Variants in FSTL4 observed in about 807,000 individuals in gnomAD.
The protein encoded by FSTL4 is follistatin-related protein 4.
Under a neutral mutation model 78.2 loss-of-function variants are expected in FSTL4, and 28 were observed. That is an observed-to-expected ratio of 0.36 (90% CI 0.27 to 0.49). The LOEUF (loss-of-function observed/expected upper bound fraction) is 0.49. Ranked by LOEUF, FSTL4 falls within the 20% of genes least tolerant of loss-of-function variation. FSTL4 has a pLI of 0.98. For missense variants in FSTL4, 922 were observed against 1,084.9 expected (o/e 0.85, Z 2.11); for synonymous variants, 422 against 440.5 (o/e 0.96, Z 0.53).
At chr5:133,450,008 T>C (rs1757349640) in intron 3 of FSTL4, among the ~76,000 whole-genome samples, 1 of 152,208 alleles carries the variant, frequency 6.6e-6, no homozygotes, top group South Asian at 2.1e-4. Context: ...AGGTCAAGTT[T>C]GCTTCAGAAA....
At chr5:133,471,050 T>C (rs563648163) in intron 3 of FSTL4, among the ~76,000 whole-genome samples, 3 of 151,234 alleles carry the variant, frequency 2.0e-5, no homozygotes, top group African/African-American at 7.3e-5. Flanking sequence ...AGGATATATG[T>C]CTTTAGGCTG....
At chr5:133,803,710 T>C in the FSTL4 span, among the ~76,000 whole-genome samples, 25 of 152,196 alleles carry the variant, frequency 1.6e-4, no homozygotes, top group South Asian at 2.1e-4. Flanking sequence ...GTGTATTTAG[T>C]CCTTACCTTG....
chr5:133,305,506 C>T (rs1753637051), intron 6 of FSTL4, among the ~76,000 whole-genome samples: 1 of 152,172 alleles, frequency 6.6e-6, no homozygotes, highest in African/African-American at 2.4e-5. Context: ...GTATCCACTC[C>T]GATGTCCCTT....
the FSTL4 span, among the ~76,000 whole-genome samples, chr5:133,665,145 A>G: frequency 6.6e-6 from 1 of 151,990 alleles, no homozygotes; most frequent in Non-Finnish European, 1.5e-5. Flanking sequence ...AACGACTAAG[A>G]CCCCCAAAAG....
chr5:133,635,201 A>T, the FSTL4 span, among the ~76,000 whole-genome samples: 1 of 152,206 alleles, frequency 6.6e-6, no homozygotes, highest in Non-Finnish European at 1.5e-5. Flanking sequence ...CATTGGTTTC[A>T]GGAGGCTTCA....
chr5:133,252,535 T>G (rs566018092), intron 6 of FSTL4, among the ~76,000 whole-genome samples: 4 of 152,066 alleles, frequency 2.6e-5, no homozygotes, highest in African/African-American at 9.6e-5. Context: ...TCCCAAGGGG[T>G]TCTATGATGG....
chr5:133,243,362 C>T (rs1751934092), intron 7 of FSTL4, among the ~76,000 whole-genome samples: 1 of 152,162 alleles, frequency 6.6e-6, no homozygotes. Context: ...TGTTTTCTCT[C>T]CCTGAGAATA....
chr5:133,373,824 C>T (rs1755372327), intron 4 of FSTL4, among the ~76,000 whole-genome samples: 1 of 152,204 alleles, frequency 6.6e-6, no homozygotes, highest in African/African-American at 2.4e-5. Flanking sequence ...CAGGATGAAG[C>T]ATCACTTGCC....
chr5:133,472,692 C>A (rs1757849680), intron 3 of FSTL4, among the ~76,000 whole-genome samples: 1 of 152,202 alleles, frequency 6.6e-6, no homozygotes. Flanking sequence ...CACAGTCATA[C>A]TAATGTAAAT....
chr5:133,527,472 T>TAC (rs3065527), intron 3 of FSTL4, among the ~76,000 whole-genome samples: 28,336 of 90,458 alleles, frequency 0.31, 2,690 homozygotes, highest in Admixed American at 0.41. Flanking sequence ...TGTGCACGTG[T>TAC]ACACACACAC....
chr5:133,274,551 C>T (rs1752837724), intron 6 of FSTL4, among the ~76,000 whole-genome samples: 1 of 152,016 alleles, frequency 6.6e-6, no homozygotes, highest in Non-Finnish European at 1.5e-5. Context: ...CTGCCTGACC[C>T]CATTGGAATG....
chr5:133,374,860 ATAAATTTC>A (rs1755393507), intron 4 of FSTL4, among the ~76,000 whole-genome samples: 1 of 152,180 alleles, frequency 6.6e-6, no homozygotes. Context: ...ACTGTGAGAA[ATAAATTTC>A]TTTAAGCCAC....
chr5:133,256,870 T>C (rs756022743), intron 6 of FSTL4, among the ~76,000 whole-genome samples: 1 of 152,262 alleles, frequency 6.6e-6, no homozygotes, highest in Non-Finnish European at 1.5e-5. Context: ...ATAAAATTAC[T>C]AGTTAATTAC....
chr5:133,427,706 G>A, intron 3 of FSTL4: 1 of 514,560 alleles, frequency 1.9e-6, no homozygotes, highest in Non-Finnish European at 4.1e-6. Flanking sequence ...TAGGACCGTG[G>A]CTGAGTTAGG....
At chr5:133,624,814 T>C in the FSTL4 span, among the ~76,000 whole-genome samples, 3 of 151,778 alleles carry the variant, frequency 2.0e-5, no homozygotes, top group South Asian at 2.1e-4. Flanking sequence ...TTTATAATCA[T>C]CTTGTCTATA....
the FSTL4 span, among the ~76,000 whole-genome samples, chr5:133,795,992 C>G: frequency 1.3e-5 from 2 of 152,224 alleles, no homozygotes; most frequent in African/African-American, 4.8e-5. Flanking sequence ...CCCTGCCCTG[C>G]ACTTCCACCC....
intron 4 of FSTL4, among the ~76,000 whole-genome samples, chr5:133,331,905 T>C (rs1272797051): frequency 6.6e-6 from 1 of 152,176 alleles, no homozygotes; most frequent in African/African-American, 2.4e-5. Context: ...GGGAAACTTA[T>C]CAAAATGTGG....
chr5:133,224,307 T>C, intron 10 of FSTL4, 91 bp from the exon 11 acceptor site: 1 of 918,836 alleles, frequency 1.1e-6, no homozygotes, highest in Non-Finnish European at 1.8e-6. Flanking sequence ...AGTGATTCCA[T>C]TTATGAAGAT....
At chr5:133,322,320 C>T (rs1754089942) in intron 4 of FSTL4, among the ~76,000 whole-genome samples, 1 of 137,014 alleles carries the variant, frequency 7.3e-6, no homozygotes, top group African/African-American at 3.0e-5. Flanking sequence ...CCCACACACC[C>T]ACACACACCC....
Sources: allele counts gnomAD v4.1 joint callset (sites outside exome capture counted in the v4.1 genomes callset), GRCh38; gene constraint gnomAD v4.1.1; transcripts MANE v1.5; gene names NCBI Gene and HGNC (gene_info 2026-07-23, HGNC 2026-07-21).